BRINP3: variants seen among roughly 807,000 people sequenced by gnomAD.
The protein encoded by BRINP3 is BMP/retinoic acid-inducible neural-specific protein 3.
BRINP3 carries 19 observed loss-of-function variants against 71.0 expected under a neutral mutation model. That is an observed-to-expected ratio of 0.27 (90% CI 0.19 to 0.39). BRINP3 has a LOEUF of 0.39. Among genes scored for constraint, BRINP3 ranks in the 10% least tolerant of loss-of-function variants. The pLI, the probability that BRINP3 is intolerant of heterozygous loss-of-function variation, is 1.00. For missense variants in BRINP3, 959 were observed against 940.8 expected (o/e 1.02, Z -0.25); for synonymous variants, 380 against 337.7 (o/e 1.13, Z -1.37).
At chr1:190,242,714 G>A (rs776925568) in intron 4 of BRINP3, among the ~76,000 whole-genome samples, 1 of 151,742 alleles carries the variant, frequency 6.6e-6, no homozygotes, top group African/African-American at 2.4e-5. Context: ...CGAAACATAA[G>A]GATCGAAAGT....
At chr1:190,128,400 C>T (rs1262994150) in intron 7 of BRINP3, among the ~76,000 whole-genome samples, 3 of 151,678 alleles carry the variant, frequency 2.0e-5, no homozygotes, top group African/African-American at 7.3e-5. Context: ...ACTGACAATT[C>T]AATTTTATCA....
At position 190,417,558 on chromosome 1, in the gene BRINP3, CTT is replaced by C. The variant is rs1158244177; in HGVS notation, c.236+37095_236+37096del. On this transcript the variant is annotated intron_variant, in intron 2 of 7. Coordinates refer to ENST00000367462, the MANE Select transcript of BRINP3 (RefSeq NM_199051.3). ...TTATTTGTCAAAAAATTAAATATGT[CTT>C]TGTTATTTTGATATTTGATACCAAC... Among the ~76,000 whole-genome samples, 11 of 152,000 alleles carry C rather than the reference CTT, an allele frequency of 7.2e-5. No individual in the cohort carries two copies. In the East Asian group the frequency reaches 2.1e-3, roughly 29 times the overall value.
intron 7 of BRINP3, among the ~76,000 whole-genome samples, chr1:190,129,328 A>C (rs1405125183): frequency 1.3e-5 from 2 of 151,914 alleles, no homozygotes; most frequent in African/African-American, 4.8e-5. Flanking sequence ...GTTATCTTTT[A>C]AAAGTGACAT....
At chr1:190,424,662 A>G (rs1673587476) in intron 2 of BRINP3, among the ~76,000 whole-genome samples, 1 of 151,726 alleles carries the variant, frequency 6.6e-6, no homozygotes, top group African/African-American at 2.4e-5. Flanking sequence ...AACAGTGAAC[A>G]GTAAGAGTAG....
intron 2 of BRINP3, among the ~76,000 whole-genome samples, chr1:190,379,981 G>A (rs1226104951): frequency 7.9e-5 from 11 of 139,638 alleles, no homozygotes; most frequent in African/African-American, 2.9e-4. Context: ...CTGGGCAACA[G>A]GGAGAGACTC....
Position 190,133,754 on chromosome 1 carries a change from T to C in BRINP3, c.1184+26914A>G, listed in dbSNP as rs1436649026. Among the ~76,000 whole-genome samples, 4 of 152,070 alleles carry C rather than the reference T, an allele frequency of 2.6e-5. No individual in the cohort carries two copies. In the East Asian group the frequency reaches 7.7e-4, roughly 29 times the overall value. On this transcript the variant is annotated intron_variant, in intron 7 of 7. Coordinates refer to ENST00000367462, the MANE Select transcript of BRINP3 (RefSeq NM_199051.3). ...GTACATCCATATTTAAGGACATATA[T>C]CAAGCCCAATACGGTGGGTATGTCT...
At chr1:190,405,267 C>T (rs531418803) in intron 2 of BRINP3, among the ~76,000 whole-genome samples, 1 of 151,692 alleles carries the variant, frequency 6.6e-6, no homozygotes, top group South Asian at 2.1e-4. Flanking sequence ...CTGGCTAAGA[C>T]GGTGAAACCC....
intron 2 of BRINP3, among the ~76,000 whole-genome samples, chr1:190,282,192 G>A (rs577313426): frequency 3.3e-5 from 5 of 150,322 alleles, no homozygotes; most frequent in African/African-American, 4.9e-5. Context: ...AAAAACCTCA[G>A]GAATATTAAG....
intron 2 of BRINP3, among the ~76,000 whole-genome samples, chr1:190,420,917 A>G (rs1673335857): frequency 1.3e-5 from 2 of 151,998 alleles, no homozygotes; most frequent in East Asian, 1.9e-4. Flanking sequence ...AGTTACCAGA[A>G]AGAGGTCAGA....
chr1:190,099,190 C>T, intron 7 of BRINP3, 56 bp from the exon 8 acceptor site: 1 of 1,502,374 alleles, frequency 6.7e-7, no homozygotes, highest in Non-Finnish European at 9.0e-7. Context: ...CTGTGTACTG[C>T]AGTAAACCGT....
Position 190,156,594 on chromosome 1 carries a change from A to C in BRINP3, c.1184+4074T>G, listed in dbSNP as rs75141377. 3.5e-3 allele frequency among the ~76,000 whole-genome samples: 536 copies of C among 152,112 alleles called. 3 individuals are homozygous for C. The highest frequency in any genetic ancestry group is 0.012 in the African/African-American group (508 of 41,540). ...AAGAGAGATAGAAACAAAATGTTAC[A>C]TTGGCAGTAAAAGAAAAACGGGGAT... On this transcript the variant is annotated intron_variant, in intron 7 of 7. Transcript: ENST00000367462.
At position 190,098,988 on chromosome 1, in the gene BRINP3, C is replaced by T. The variant is rs776258408; in HGVS notation, c.1331G>A (p.Gly444Glu). The T allele has an allele frequency of 9.9e-6, 16 of 1,614,028 alleles. No individual in the cohort carries two copies. Among genetic ancestry groups the T allele is most frequent in the Middle Eastern group, 1.6e-4 (1 of 6,084 alleles). The part of the protein sequence containing the change: ...VCTAFLPCTV[G>E]DASACLTCAP... ...GCATGTCAGGCAGGCAGAGGCGTCTCCCACTGTGCAGGGCAGGAACGCGGT... is the reference window on the plus strand; with the variant it reads ...GCATGTCAGGCAGGCAGAGGCGTCTTCCACTGTGCAGGGCAGGAACGCGGT... The change falls in exon 8 of 8, where the codon GGA becomes GAA. Residue 444 changes from glycine (G) to glutamate (E), a missense_variant. Gly to Glu is a moderately conservative substitution (Grantham distance 98, BLOSUM62 -2). Transcript: ENST00000367462.
At chr1:190,264,666 T>C (rs1661494797) in intron 4 of BRINP3, among the ~76,000 whole-genome samples, 199 bp downstream of exon 4, 1 of 152,162 alleles carries the variant, frequency 6.6e-6, no homozygotes, top group East Asian at 1.9e-4. Flanking sequence ...CTTGACCTAC[T>C]TATCAAGTAA....
At chr1:190,245,742 TCCCTCCC>T (rs1324319628) in intron 4 of BRINP3, among the ~76,000 whole-genome samples, 1 of 115,730 alleles carries the variant, frequency 8.6e-6, no homozygotes, top group African/African-American at 3.3e-5. Flanking sequence ...CCTAATGCTA[TCCCTCCC>T]CCCTCCCCCC....
chr1:190,382,878 G>T (rs770199327), intron 2 of BRINP3, among the ~76,000 whole-genome samples: 1 of 152,046 alleles, frequency 6.6e-6, no homozygotes, highest in African/African-American at 2.4e-5. Context: ...AAACCAATCC[G>T]GGAAGAGCAA....
chr1:190,285,371 G>A (rs907538427), intron 2 of BRINP3, among the ~76,000 whole-genome samples: 2 of 152,088 alleles, frequency 1.3e-5, no homozygotes, highest in African/African-American at 4.8e-5. Context: ...CCATAAGCCC[G>A]GACATTGATT....
chr1:190,203,162 C>A (rs1655156771), intron 6 of BRINP3, among the ~76,000 whole-genome samples: 1 of 151,924 alleles, frequency 6.6e-6, no homozygotes, highest in African/African-American at 2.4e-5. Context: ...CTCTCTTTCA[C>A]AAAGAGTAAG....
At chr1:190,361,395 T>C (rs1048068237) in intron 2 of BRINP3, among the ~76,000 whole-genome samples, 1 of 151,768 alleles carries the variant, frequency 6.6e-6, no homozygotes, top group Non-Finnish European at 1.5e-5. Context: ...GTTTTTGTTT[T>C]TGTTTTTGTT....
intron 2 of BRINP3, among the ~76,000 whole-genome samples, chr1:190,412,384 A>G (rs139274560): frequency 0.013 from 1,138 of 86,714 alleles, 16 homozygotes; most frequent in African/African-American, 0.039. Flanking sequence ...CAAAGAAAAG[A>G]TATATATATA....
Sources: gnomAD v4.1 joint callset for allele counts (sites outside exome capture counted in the v4.1 genomes callset) on GRCh38, gnomAD v4.1.1 for gene constraint, MANE v1.5 for transcripts, NCBI Gene and HGNC (gene_info 2026-07-23, HGNC 2026-07-21) for gene names.